Variants in ADGRE2 observed in about 807,000 individuals in gnomAD.
ADGRE2 encodes the protein CD97 antigen.
In ADGRE2, 83 loss-of-function variants were observed where a neutral mutation model predicts 100.8. The observed-to-expected ratio is 0.82, with a 90% CI of 0.69 to 0.99. ADGRE2 has a LOEUF of 0.99. ADGRE2 is among the 50% of genes least tolerant of loss of function. ADGRE2 has a pLI of 0.00. For synonymous variants in ADGRE2, 355 were observed against 413.0 expected (o/e 0.86, Z 1.70); for missense variants, 814 against 1,035.7 (o/e 0.79, Z 2.94).
At chr19:14,759,503 A>ATATATATATATATATATATATATT (rs60789454) in intron 11 of ADGRE2, among the ~76,000 whole-genome samples, 16 of 133,368 alleles carry the variant, frequency 1.2e-4, no homozygotes, top group African/African-American at 4.5e-4. Context: ...ATATATATAT[A>ATATATATATATATATATATATATT]TTTTTTTTTT....
At chr19:14,757,289 C>G (rs955934704) in intron 11 of ADGRE2, among the ~76,000 whole-genome samples, 2 of 152,176 alleles carry the variant, frequency 1.3e-5, no homozygotes, top group Non-Finnish European at 2.9e-5. Flanking sequence ...GTTAAGATAA[C>G]AATACTCCCC....
Position 14,752,162 on chromosome 19 carries a change from A to G in ADGRE2, c.1788+167T>C, listed in dbSNP as rs2043317553. 2.0e-5 allele frequency among the ~76,000 whole-genome samples: 3 copies of G among 151,774 alleles called. No individual in the cohort carries two copies. The South Asian group carries it at 6.2e-4, about 32-fold the overall frequency. On this transcript the variant is annotated intron_variant, in intron 15 of 20. Transcript: ENST00000315576. ...TGGTCAGGCTGGTCTCAAACTCCCG[A>G]CCTGAGGTGATCCGCCCACCTCAGT...
Position 14,746,934 on chromosome 19 carries a change from T to C in ADGRE2, c.2053A>G (p.Ile685Val). ...CAGACAGGTCCAAGGAAGCCCCATA[T>C]AAATCCCTTTTCTGGTTGGAGCCAG... ...RCWLQPEKGF[I>V]WGFLGPVCAI... Residue 685 changes from isoleucine to valine, a missense_variant, in exon 17 of 21, where the codon ATA becomes GTA. This residue lies in a region of ADGRE2 where 569 missense variants were observed against 692.7 expected (regional missense o/e 0.82). Transcript: ENST00000315576. 1 of 1,613,598 alleles carries C rather than the reference T, an allele frequency of 6.2e-7. No homozygotes were observed. Among genetic ancestry groups the C allele is most frequent in the Non-Finnish European group, 8.5e-7 (1 of 1,179,860 alleles).
chr19:14,770,053 C>A (rs951854712), intron 5 of ADGRE2, among the ~76,000 whole-genome samples: 1 of 152,156 alleles, frequency 6.6e-6, no homozygotes. Flanking sequence ...ACAAACACCA[C>A]CTGTGCATGC....
intron 13 of ADGRE2, among the ~76,000 whole-genome samples, chr19:14,755,340 C>G (rs529191644): frequency 6.6e-6 from 1 of 151,964 alleles, no homozygotes; most frequent in South Asian, 2.1e-4. Flanking sequence ...GTAGTCCCAG[C>G]TATTAGGGAG....
chr19:14,756,509 C>T (rs878880909), intron 11 of ADGRE2, among the ~76,000 whole-genome samples, 164 bp from the exon 12 acceptor site: 3 of 152,044 alleles, frequency 2.0e-5, no homozygotes, highest in African/African-American at 7.2e-5. Flanking sequence ...AAGTAGGTAA[C>T]CTAGATGAAA....
chr19:14,744,914 G>T (rs2043041439), intron 18 of ADGRE2, among the ~76,000 whole-genome samples: 1 of 151,512 alleles, frequency 6.6e-6, no homozygotes, highest in Non-Finnish European at 1.5e-5. Flanking sequence ...TTTTGAGTTG[G>T]AGTCTTGCTC....
At chr19:14,765,903 C>T in intron 7 of ADGRE2, 99 bp from the exon 8 acceptor site, 1 of 1,603,328 alleles carries the variant, frequency 6.2e-7, no homozygotes, top group African/African-American at 1.4e-5. Context: ...ATTAGTGCCC[C>T]CCTTGGAGAG....
intron 20 of ADGRE2, among the ~76,000 whole-genome samples, chr19:14,743,162 C>T (rs1002228122): frequency 2.0e-5 from 3 of 152,078 alleles, no homozygotes; most frequent in African/African-American, 7.2e-5. Flanking sequence ...TCATCTTGCA[C>T]TCCTGGCCTC....
intron 10 of ADGRE2, among the ~76,000 whole-genome samples, chr19:14,765,064 G>C (rs1298177905): frequency 1.3e-5 from 2 of 152,134 alleles, no homozygotes; most frequent in Non-Finnish European, 2.9e-5. Flanking sequence ...CTTGACTCTG[G>C]TTATGGCCCC....
At chr19:14,753,869 G>A (rs1470317333) in intron 14 of ADGRE2, among the ~76,000 whole-genome samples, 1 of 152,112 alleles carries the variant, frequency 6.6e-6, no homozygotes, top group Non-Finnish European at 1.5e-5. Flanking sequence ...GGCTCTTCCT[G>A]GAGAATCAGA....
rs1568625568 is a variant in ADGRE2 at position 14,772,329 on chromosome 19, G to A, written c.355+13C>T. The A allele has an allele frequency of 4.3e-6, 7 of 1,614,056 alleles. No individual in the cohort carries two copies. Among genetic ancestry groups the A allele is most frequent in the Non-Finnish European group, 5.9e-6 (7 of 1,180,002 alleles). On this transcript the variant is annotated intron_variant, in intron 5 of 20. Coordinates refer to ENST00000315576, the MANE Select transcript of ADGRE2 (RefSeq NM_013447.4). Reference sequence around the variant, plus strand: ...ATGGACAGTGGTGATGGAGGATGTGGGGTGGTTCTTACCTTGACACGTGTT... The same window carrying A: ...ATGGACAGTGGTGATGGAGGATGTGAGGTGGTTCTTACCTTGACACGTGTT...
At chr19:14,729,255 T>C (rs2042653266), downstream of ADGRE2, among the ~76,000 whole-genome samples, 1 of 152,212 alleles carries the variant, frequency 6.6e-6, no homozygotes, top group Non-Finnish European at 1.5e-5. Flanking sequence ...GATAATTCTT[T>C]GCTGTAGGAA....
downstream of ADGRE2, among the ~76,000 whole-genome samples, chr19:14,728,641 C>T (rs144921466): frequency 5.1e-4 from 77 of 152,230 alleles, no homozygotes; most frequent in African/African-American, 7.0e-4. Context: ...TGACCTATGA[C>T]GACAATGGAA....
In ADGRE2 at chr19:14,771,217, C is replaced by T. The variant is rs1248306846; in HGVS notation, c.355+1125G>A. The stretch of plus-strand genomic sequence containing the variant: ...AGGGCTGGGAACAGGAGCACTGCCA[C>T]TTTTCTCTTTACAGCAGGGCAGGTC... On this transcript the variant is annotated intron_variant, in intron 5 of 20. Transcript: ENST00000315576. Among the ~76,000 whole-genome samples the T allele has an allele frequency of 2.0e-5, 3 of 152,180 alleles. No individual in the cohort carries two copies. In the East Asian group the frequency reaches 5.8e-4, roughly 29 times the overall value.
At chr19:14,743,279 T>C in intron 20 of ADGRE2, 141 bp downstream of exon 20, 1 of 706,002 alleles carries the variant, frequency 1.4e-6, no homozygotes. Flanking sequence ...TCATTGCTAA[T>C]GGTTAATGAG....
At chr19:14,756,377 T>C in intron 11 of ADGRE2, 32 bp from the exon 12 acceptor site, 1 of 1,491,072 alleles carries the variant, frequency 6.7e-7, no homozygotes, top group Non-Finnish European at 9.4e-7. Flanking sequence ...TAAGGGGGGT[T>C]AGGTTAGGAA....
At chr19:14,728,545 T>C (rs542262433), downstream of ADGRE2, among the ~76,000 whole-genome samples, 8 of 152,302 alleles carry the variant, frequency 5.3e-5, no homozygotes, top group Non-Finnish European at 7.4e-5. Flanking sequence ...CACTTATAAA[T>C]GTATTCAATA....
chr19:14,761,180 G>A (rs1227009271), intron 11 of ADGRE2, among the ~76,000 whole-genome samples: 1 of 152,320 alleles, frequency 6.6e-6, no homozygotes, highest in South Asian at 2.1e-4. Context: ...GAGGCAGGCG[G>A]ATCACGAGGT....
Sources: gnomAD v4.1 joint callset for allele counts (sites outside exome capture counted in the v4.1 genomes callset) on GRCh38, gnomAD v4.1.1 for gene constraint, gnomAD v4.1.1 regional missense constraint, MANE v1.5 for transcripts, NCBI Gene and HGNC (gene_info 2026-07-23, HGNC 2026-07-21) for gene names.